Variants in RPH3A observed in about 807,000 individuals in gnomAD.
RPH3A encodes rabphilin-3A.
A neutral mutation model predicts 102.2 loss-of-function variants in RPH3A; 48 were observed. The observed-to-expected ratio is 0.47, with a 90% CI of 0.37 to 0.60. The LOEUF is 0.60. RPH3A is among the 20% of genes least tolerant of loss of function. RPH3A has a pLI of 0.00. For synonymous variants in RPH3A, 310 were observed against 324.3 expected, an observed-to-expected ratio of 0.96 and a Z score of 0.47; for missense variants, 781 against 910.1, an observed-to-expected ratio of 0.86 and a Z score of 1.83.
At chr12:112,858,266 C>CAAAAAAAAAAAAA (rs1164602599) in intron 5 of RPH3A, among the ~76,000 whole-genome samples, 4 of 44,768 alleles carry the variant, frequency 8.9e-5, no homozygotes, top group African/African-American at 1.9e-4. Context: ...GACCCTGTCT[C>CAAAAAAAAAAAAA]AAAAAAAAAA....
intron 4 of RPH3A, among the ~76,000 whole-genome samples, chr12:112,840,614 T>C (rs565914305): frequency 1.3e-5 from 2 of 152,182 alleles, no homozygotes; most frequent in Non-Finnish European, 2.9e-5. Flanking sequence ...TGAGAAGTGA[T>C]GAACTCTATC....
chr12:112,826,952 T>G (rs1273575536), intron 2 of RPH3A, among the ~76,000 whole-genome samples: 4 of 152,174 alleles, frequency 2.6e-5, no homozygotes, highest in Admixed American at 2.0e-4. Flanking sequence ...TACCTGAGCA[T>G]ATTTCTCAGG....
intron 1 of RPH3A, among the ~76,000 whole-genome samples, chr12:112,682,688 C>T (rs2040235796): frequency 2.0e-5 from 3 of 152,152 alleles, no homozygotes; most frequent in South Asian, 4.1e-4. Flanking sequence ...GGGGGAGCCA[C>T]ACTTTGACCC....
chr12:112,810,971 G>A (rs2041564380), intron 2 of RPH3A, among the ~76,000 whole-genome samples: 1 of 151,834 alleles, frequency 6.6e-6, no homozygotes, highest in Admixed American at 6.6e-5. Flanking sequence ...ACATATATGT[G>A]TGTGTGTGTG....
At chr12:112,765,920 C>G (rs2040885588) in intron 1 of RPH3A, among the ~76,000 whole-genome samples, 1 of 152,356 alleles carries the variant, frequency 6.6e-6, no homozygotes, top group South Asian at 2.1e-4. Flanking sequence ...ATGGCAGGAA[C>G]TATGGCTGGG....
chr12:112,694,580 A>G (rs554063961), intron 1 of RPH3A, among the ~76,000 whole-genome samples: 1 of 152,142 alleles, frequency 6.6e-6, no homozygotes, highest in East Asian at 1.9e-4. Flanking sequence ...AGAGAGAGAG[A>G]GAAAGGCAGA....
At chr12:112,605,954 C>T (rs1466560654) in intron 1 of RPH3A, among the ~76,000 whole-genome samples, 2 of 152,198 alleles carry the variant, frequency 1.3e-5, no homozygotes. Context: ...TCCTAACTCT[C>T]CAAGGTCATT....
chr12:112,644,679 T>C (rs1768587920), intron 1 of RPH3A, among the ~76,000 whole-genome samples: 1 of 152,210 alleles, frequency 6.6e-6, no homozygotes, highest in African/African-American at 2.4e-5. Context: ...TCTCTTGAAC[T>C]CCACCAAAGA....
At position 112,582,558 on chromosome 12, in the gene RPH3A, T is replaced by C. The variant is rs918018921; in HGVS notation, c.-140+7239T>C. ...ACCTCCTGGACTTAAGCAATCCTTCTACCTCAGCCTCCCAAGTAGTTGGGA... is the reference window on the plus strand; with the variant it reads ...ACCTCCTGGACTTAAGCAATCCTTCCACCTCAGCCTCCCAAGTAGTTGGGA... On this transcript the variant is annotated intron_variant, in intron 1 of 21. Transcript: ENST00000543106. 8.9e-5 allele frequency among the ~76,000 whole-genome samples: 13 copies of C among 146,014 alleles called. 1 individual carries two copies. The highest frequency in any genetic ancestry group is 3.3e-4 in the African/African-American group (13 of 39,278).
At chr12:112,867,733 A>G (rs2042636416) in intron 7 of RPH3A, among the ~76,000 whole-genome samples, 2 of 152,330 alleles carry the variant, frequency 1.3e-5, no homozygotes, top group South Asian at 4.1e-4. Context: ...GGAAATAAAT[A>G]CCGTAGTCCC....
intron 1 of RPH3A, among the ~76,000 whole-genome samples, chr12:112,644,634 G>T (rs78851158): frequency 0.022 from 3,304 of 152,260 alleles, 120 homozygotes; most frequent in African/African-American, 0.074. Flanking sequence ...CGTACTATAT[G>T]CCAGGTACTT....
intron 1 of RPH3A, among the ~76,000 whole-genome samples, chr12:112,755,078 G>C (rs1417050342): frequency 6.6e-6 from 1 of 152,092 alleles, no homozygotes; most frequent in Admixed American, 6.5e-5. Context: ...GCACTTAGTA[G>C]GTCCTCAGTG....
chr12:112,621,739 T>G (rs2039728538), intron 1 of RPH3A, among the ~76,000 whole-genome samples: 1 of 152,080 alleles, frequency 6.6e-6, no homozygotes, highest in Admixed American at 6.5e-5. Context: ...CACTGTAGGC[T>G]TCACCTCTGG....
In RPH3A at chr12:112,823,126, T is replaced by C. The variant is rs2041808970; in HGVS notation, c.-18-5175T>C. 2.6e-5 allele frequency among the ~76,000 whole-genome samples: 4 copies of C among 152,228 alleles called. No individual in the cohort carries two copies. The South Asian group carries it at 8.3e-4, about 32-fold the overall frequency. On this transcript the variant is annotated intron_variant, in intron 2 of 21. Coordinates refer to ENST00000389385, the MANE Select transcript of RPH3A (RefSeq NM_001143854.2). ...AGGGCTGGGTGGGTAGGTATCTCTTTGTCTCTGAGGCTGAGAGGTGAAAAT... is the reference window on the plus strand; with the variant it reads ...AGGGCTGGGTGGGTAGGTATCTCTTCGTCTCTGAGGCTGAGAGGTGAAAAT...
chr12:112,670,198 T>C (rs2040117753), intron 1 of RPH3A, among the ~76,000 whole-genome samples: 1 of 152,220 alleles, frequency 6.6e-6, no homozygotes, highest in Non-Finnish European at 1.5e-5. Flanking sequence ...TTGTTTTTTC[T>C]CTGAGATGGA....
At position 112,713,006 on chromosome 12, in the gene RPH3A, TCTTCCTCTTCC is replaced by T. The variant is rs1565857134; in HGVS notation, c.-139-79136_-139-79126del. 3.9e-3 allele frequency among the ~76,000 whole-genome samples: 292 copies of T among 75,644 alleles called. 12 individuals carry two copies. Among genetic ancestry groups the T allele is most frequent in the Non-Finnish European group, 5.4e-3 (207 of 38,622 alleles). 49.6% of individuals were successfully genotyped at this position (75,644 alleles called of 152,430 possible). A position where few individuals can be genotyped will look rare whatever the true frequency, so the allele number is the denominator to read the frequency against. ...TTCGTCGTCTTTGTCTTCCTCTTCC[TCTTCCTCTTCC>T]TCTTCCTCTTCTTCTTCTTCTTCTT... On this transcript the variant is annotated intron_variant, in intron 1 of 21. Coordinates refer to the RPH3A transcript ENST00000543106.
chr12:112,580,215 C>G (rs1211945517), intron 1 of RPH3A, among the ~76,000 whole-genome samples: 1 of 151,670 alleles, frequency 6.6e-6, no homozygotes, highest in Non-Finnish European at 1.5e-5. Flanking sequence ...GCCTCTCTCT[C>G]CACGTCTCTC....
intron 1 of RPH3A, among the ~76,000 whole-genome samples, chr12:112,740,173 G>A (rs572827207): frequency 3.9e-4 from 59 of 152,212 alleles, no homozygotes; most frequent in African/African-American, 1.4e-3. Context: ...CCGTAAAATG[G>A]AGATAATAAT....
intron 1 of RPH3A, among the ~76,000 whole-genome samples, chr12:112,647,823 T>C (rs2039942619): frequency 6.6e-6 from 1 of 152,188 alleles, no homozygotes; most frequent in Non-Finnish European, 1.5e-5. Flanking sequence ...TGGGTGCAGC[T>C]GCCACAGAGT....
Sources: allele counts gnomAD v4.1 joint callset (sites outside exome capture counted in the v4.1 genomes callset), GRCh38; gene constraint gnomAD v4.1.1; transcripts MANE v1.5; gene names NCBI Gene and HGNC (gene_info 2026-07-23, HGNC 2026-07-21).